The following DGKG variants were observed in gnomAD, a reference collection of about 807,000 sequenced individuals.
DGKG encodes diacylglycerol kinase gamma, also known as DAG kinase gamma.
In DGKG, 78 loss-of-function variants were observed where a neutral mutation model predicts 105.3. The ratio of observed to expected loss-of-function variants is 0.74; its 90% confidence interval spans 0.62 to 0.89. The LOEUF is 0.89. DGKG is among the 40% of genes least tolerant of loss of function. The pLI, the probability that DGKG is intolerant of heterozygous loss-of-function variation, is 0.00. For synonymous variants in DGKG, 346 were observed against 367.1 expected (o/e 0.94, Z 0.66); for missense variants, 958 against 1,020.1 (o/e 0.94, Z 0.83).
chr3:186,204,855 A>G (rs534677713), intron 21 of DGKG, among the ~76,000 whole-genome samples: 21 of 152,166 alleles, frequency 1.4e-4, no homozygotes, highest in Non-Finnish European at 2.2e-4. Context: ...CCGCTCTCCA[A>G]AGTGGCTTAC....
At chr3:186,221,047 C>T (rs1402156949) in intron 20 of DGKG, among the ~76,000 whole-genome samples, 1 of 152,224 alleles carries the variant, frequency 6.6e-6, no homozygotes, top group Non-Finnish European at 1.5e-5. Flanking sequence ...ACACAGGCCG[C>T]AACAAGAAGG....
chr3:186,355,344 CA>C (rs1726885016), intron 1 of DGKG, among the ~76,000 whole-genome samples: 1 of 148,314 alleles, frequency 6.7e-6, no homozygotes, highest in Non-Finnish European at 1.5e-5. Flanking sequence ...TCACCACCAC[CA>C]ACAACACTAC....
chr3:186,360,453 G>A (rs1182949175), intron 1 of DGKG, among the ~76,000 whole-genome samples: 2 of 152,124 alleles, frequency 1.3e-5, no homozygotes, highest in African/African-American at 4.8e-5. Flanking sequence ...CTTAGTTGCA[G>A]CCGTTTTATT....
intron 19 of DGKG, among the ~76,000 whole-genome samples, chr3:186,249,486 A>G (rs1721103888): frequency 6.6e-6 from 1 of 152,194 alleles, no homozygotes; most frequent in South Asian, 2.1e-4. Flanking sequence ...TGTAAATATA[A>G]GGTATTATTA....
chr3:186,150,072 T>G lies in DGKG; in HGVS notation c.*18A>C. 6.2e-7 allele frequency: 1 copy of G among 1,605,394 alleles called. No homozygotes were observed. Among genetic ancestry groups the G allele is most frequent in the South Asian group, 1.1e-5 (1 of 89,378 alleles). On this transcript the variant is annotated 3_prime_UTR_variant, in exon 25 of 25. Transcript: ENST00000265022. ...TTCTTGCTTTCTCTCTTGGTTTAGC[T>G]GGTGTTTGGCACACTGTTTAGTCTT...
At chr3:186,209,018 A>G (rs547203275) in intron 21 of DGKG, among the ~76,000 whole-genome samples, 10 of 150,992 alleles carry the variant, frequency 6.6e-5, no homozygotes, top group African/African-American at 2.4e-4. Flanking sequence ...ATATTAGGAC[A>G]TGTTATGGTC....
intron 1 of DGKG, among the ~76,000 whole-genome samples, chr3:186,355,265 C>CACTATCGTCAACTCCCCACACA (rs1726873599): frequency 1.3e-5 from 1 of 76,150 alleles, no homozygotes. Context: ...ACACCAACAC[C>CACTATCGTCAACTCCCCACACA]ACTACCACCA....
At chr3:186,237,292 C>T (rs548199373) in intron 20 of DGKG, among the ~76,000 whole-genome samples, 1 of 152,304 alleles carries the variant, frequency 6.6e-6, no homozygotes, top group African/African-American at 2.4e-5. Context: ...TCCAGGGCCC[C>T]ACACTTAAGA....
At chr3:186,308,071 C>T (rs372608270) in intron 2 of DGKG, among the ~76,000 whole-genome samples, 5 of 152,236 alleles carry the variant, frequency 3.3e-5, no homozygotes, top group South Asian at 2.1e-4. Flanking sequence ...CCTCCACCCC[C>T]CGCCATGATT....
At chr3:186,289,626 G>A (rs1397903721) in intron 5 of DGKG, among the ~76,000 whole-genome samples, 1 of 152,146 alleles carries the variant, frequency 6.6e-6, no homozygotes, top group East Asian at 1.9e-4. Flanking sequence ...TTTGAGTGCT[G>A]TCTTCCGTCT....
At position 186,274,365 on chromosome 3, in the gene DGKG, GTATTTTTATTTTTTATTTTTT is replaced by G. The variant is rs1197286546; in HGVS notation, c.910+1161_910+1181del. On this transcript the variant is annotated intron_variant, in intron 10 of 24. Transcript: ENST00000265022. The stretch of plus-strand genomic sequence containing the variant: ...ACCATGCCCAGCTAATTTTTTTTTA[GTATTTTTATTTTTTATTTTTT>G]TATTTTTATTTTTTATTATACATTA... 7.3e-5 allele frequency among the ~76,000 whole-genome samples: 11 copies of G among 151,644 alleles called. No individual in the cohort carries two copies. In the South Asian group the frequency reaches 2.1e-3, roughly 29 times the overall value.
intron 20 of DGKG, among the ~76,000 whole-genome samples, chr3:186,240,766 C>T (rs1054024310): frequency 2.7e-5 from 4 of 149,436 alleles, no homozygotes; most frequent in Non-Finnish European, 3.0e-5. Flanking sequence ...GCCAAGATCG[C>T]GCCACTGCAC....
At chr3:186,229,217 AC>A (rs1266214658) in intron 20 of DGKG, among the ~76,000 whole-genome samples, 1 of 150,834 alleles carries the variant, frequency 6.6e-6, no homozygotes, top group Non-Finnish European at 1.5e-5. Flanking sequence ...GAAGGAATCA[AC>A]CCTGCTGACA....
rs373968401 is a variant in DGKG, at chr3:186,251,869, G to A, written c.1651C>T (p.Pro551Ser). The stretch of plus-strand genomic sequence containing the variant: ...TGCCAGCGGTCCAGCATCACCAAGG[G>A]GCTCTGCTCAATGTCTTTCAGGATT... ...TKILKDIEQS[P>S]LVMLDRWHLE... is the part of the protein sequence containing the mutation. Residue 551 changes from proline to serine, a missense_variant, in exon 19 of 25, where the codon CCC becomes TCC. This residue lies in a region of DGKG where 315 missense variants were observed against 400.6 expected (regional missense o/e 0.79). Transcript: ENST00000265022. 2.2e-5 allele frequency: 35 copies of A among 1,609,618 alleles called. No homozygotes were observed. The highest frequency in any genetic ancestry group is 2.8e-5 in the Non-Finnish European group (33 of 1,177,532).
intron 5 of DGKG, among the ~76,000 whole-genome samples, chr3:186,294,143 A>G (rs887081096): frequency 6.6e-6 from 1 of 151,698 alleles, no homozygotes; most frequent in African/African-American, 2.4e-5. Context: ...AACTATTGCA[A>G]ATACGCATGG....
chr3:186,355,709 C>CAGCACA (rs2108678954), intron 1 of DGKG, among the ~76,000 whole-genome samples: 1 of 151,788 alleles, frequency 6.6e-6, no homozygotes, highest in East Asian at 2.0e-4. Flanking sequence ...TCACCAGCAC[C>CAGCACA]AGCACCAGCA....
In DGKG at chr3:186,149,408, A is replaced by G. The variant is rs1578589621; in HGVS notation, c.*682T>C. 1.0e-6 allele frequency: 1 copy of G among 985,336 alleles called. No homozygotes were observed. Among genetic ancestry groups the G allele is most frequent in the South Asian group, 4.7e-5 (1 of 21,294 alleles). The allele number at this position is 985,336 out of a possible 1,614,324, so 61.0% of individuals were successfully genotyped here. ...CTCTTGGAGCCGCCTCTAAGCAAAC[A>G]TGTAGACACCAGGAGAAGGTTCCTG... On this transcript the variant is annotated 3_prime_UTR_variant, in exon 25 of 25. Transcript: ENST00000265022.
At chr3:186,216,148 G>A (rs941712101) in intron 20 of DGKG, among the ~76,000 whole-genome samples, 11 of 151,900 alleles carry the variant, frequency 7.2e-5, no homozygotes, top group African/African-American at 9.7e-5. Flanking sequence ...ACAGGCATGC[G>A]CCACCACTCC....
At chr3:186,256,918 C>T (rs757080435) in intron 17 of DGKG, among the ~76,000 whole-genome samples, 1 of 152,238 alleles carries the variant, frequency 6.6e-6, no homozygotes, top group Non-Finnish European at 1.5e-5. Context: ...ACTTTAAACA[C>T]TTCCTGACAT....
Sources: gnomAD v4.1 joint callset for allele counts (sites outside exome capture counted in the v4.1 genomes callset) on GRCh38, gnomAD v4.1.1 for gene constraint, gnomAD v4.1.1 regional missense constraint, MANE v1.5 for transcripts, NCBI Gene and HGNC (gene_info 2026-07-23, HGNC 2026-07-21) for gene names.